The following GLRA3 variants were observed in gnomAD, a reference collection of about 807,000 sequenced individuals.
The protein encoded by GLRA3 is glycine receptor subunit alpha-3.
GLRA3 carries 44 observed loss-of-function variants against 60.4 expected under a neutral mutation model. The observed-to-expected ratio is 0.73, with a 90% confidence interval of 0.57 to 0.94. GLRA3 has a LOEUF of 0.94. GLRA3 is among the 40% of genes least tolerant of loss of function. The probability of loss-of-function intolerance (pLI) is 0.00; values close to 1 mark genes in which losing one functional copy is unlikely to be tolerated. For missense variants in GLRA3, 508 were observed against 564.6 expected, an observed-to-expected ratio of 0.90 and a Z score of 1.02; for synonymous variants, 223 against 192.9, an observed-to-expected ratio of 1.16 and a Z score of -1.29.
intron 2 of GLRA3, among the ~76,000 whole-genome samples, chr4:174,773,927 T>C (rs1738491379): frequency 6.6e-6 from 1 of 150,442 alleles, no homozygotes; most frequent in African/African-American, 2.5e-5. Context: ...AAGCTCCACA[T>C]GCAGGAAATG....
chr4:174,742,803 A>G (rs1737077755), intron 3 of GLRA3, among the ~76,000 whole-genome samples: 1 of 152,164 alleles, frequency 6.6e-6, no homozygotes, highest in Non-Finnish European at 1.5e-5. Flanking sequence ...CTTTTTCTTG[A>G]GATTCCCTGG....
intron 3 of GLRA3, among the ~76,000 whole-genome samples, chr4:174,732,360 T>TA (rs780031779): frequency 0.011 from 1,235 of 110,064 alleles, 12 homozygotes; most frequent in East Asian, 0.032. Context: ...ACTCAAAAAT[T>TA]AAAAAAAAAA....
At chr4:174,720,273 A>G (rs1736082877) in intron 4 of GLRA3, among the ~76,000 whole-genome samples, 1 of 152,204 alleles carries the variant, frequency 6.6e-6, no homozygotes, top group Non-Finnish European at 1.5e-5. Context: ...AGGCTGAGAC[A>G]TCTTAATAAC....
chr4:174,766,381 A>G (rs1485930), intron 3 of GLRA3, among the ~76,000 whole-genome samples: 12,076 of 152,098 alleles, frequency 0.079, 837 homozygotes, highest in East Asian at 0.38. Context: ...TAAAGGGCAA[A>G]GCAGAGATAC....
chr4:174,698,608 G>A (rs531633227), intron 5 of GLRA3, among the ~76,000 whole-genome samples: 1 of 152,268 alleles, frequency 6.6e-6, no homozygotes, highest in Admixed American at 6.5e-5. Flanking sequence ...TTAGCAAGAT[G>A]ATCCACTTCA....
intron 9 of GLRA3, among the ~76,000 whole-genome samples, chr4:174,655,400 CTG>C (rs1385983392): frequency 6.6e-6 from 1 of 152,006 alleles, no homozygotes; most frequent in Non-Finnish European, 1.5e-5. Flanking sequence ...ATGAATATAT[CTG>C]TGTTATATTA....
At position 174,639,810 on chromosome 4, in the gene GLRA3, A is replaced by C. The variant is rs979257206; in HGVS notation, c.*3976T>G. ...GTGTACACTGCTTATTTATCCATGAAAGGTTTATATAACAATAAAAAAAAT... is the reference window on the plus strand; with the variant it reads ...GTGTACACTGCTTATTTATCCATGACAGGTTTATATAACAATAAAAAAAAT... On this transcript the variant is annotated 3_prime_UTR_variant, in exon 10 of 10. Transcript: ENST00000274093. 1 of 150,922 alleles carries C rather than the reference A, an allele frequency of 6.6e-6. No individual in the cohort carries two copies. Among genetic ancestry groups the C allele is most frequent in the Admixed American group, 6.6e-5 (1 of 15,240 alleles). The allele number at this position is 150,922 out of a possible 1,614,324, so 9.3% of individuals were successfully genotyped here.
intron 3 of GLRA3, among the ~76,000 whole-genome samples, chr4:174,744,038 T>G (rs1206906956): frequency 2.6e-5 from 4 of 152,322 alleles, no homozygotes; most frequent in East Asian, 1.9e-4. Context: ...GCATGGCCTT[T>G]GTGCTTGGGC....
At chr4:174,736,716 G>A (rs4695957) in intron 3 of GLRA3, among the ~76,000 whole-genome samples, 44,252 of 151,976 alleles carry the variant, frequency 0.29, 6,685 homozygotes, top group African/African-American at 0.35. Flanking sequence ...TATGTAATAT[G>A]TAATAGTTTC....
chr4:174,789,681 T>C (rs949212914), intron 1 of GLRA3, among the ~76,000 whole-genome samples: 3 of 152,200 alleles, frequency 2.0e-5, no homozygotes, highest in African/African-American at 7.2e-5. Flanking sequence ...AAACCCATAG[T>C]GTAGGCTGCT....
In GLRA3 at chr4:174,706,193, G is replaced by A. The variant is rs530296891; in HGVS notation, c.574+9295C>T. ...TGCAGTGAGCCGAGTTCACGCCACT[G>A]CACTCCAGCCTGGGCGAAAGGGCGA... On this transcript the variant is annotated intron_variant, in intron 5 of 9. Coordinates refer to ENST00000274093, the MANE Select transcript of GLRA3 (RefSeq NM_006529.4). Among the ~76,000 whole-genome samples the A allele has an allele frequency of 5.3e-5, 8 of 151,794 alleles. No individual in the cohort carries two copies. In the East Asian group the frequency reaches 9.8e-4, roughly 19 times the overall value.
chr4:174,712,885 G>GTA (rs201545268), intron 5 of GLRA3: 1 of 150,962 alleles, frequency 6.6e-6, no homozygotes, highest in Non-Finnish European at 1.5e-5. Flanking sequence ...GTATGTATGA[G>GTA]TATATATATA....
At chr4:174,813,921 G>A (rs1157735324) in intron 1 of GLRA3, among the ~76,000 whole-genome samples, 3 of 152,116 alleles carry the variant, frequency 2.0e-5, no homozygotes, top group Non-Finnish European at 4.4e-5. Context: ...CTCACAAAGG[G>A]GTTAGCTCGT....
chr4:174,758,531 G>C (rs1159514610), intron 3 of GLRA3, among the ~76,000 whole-genome samples: 1 of 152,094 alleles, frequency 6.6e-6, no homozygotes, highest in African/African-American at 2.4e-5. Flanking sequence ...GGATCCTGTG[G>C]AAACATGGCA....
chr4:174,758,850 A>T (rs943169232), intron 3 of GLRA3, among the ~76,000 whole-genome samples: 2 of 152,170 alleles, frequency 1.3e-5, no homozygotes, highest in Non-Finnish European at 2.9e-5. Context: ...GGAATAAACT[A>T]AGAGATATGA....
intron 4 of GLRA3, among the ~76,000 whole-genome samples, chr4:174,727,549 A>C (rs1450252141): frequency 6.6e-6 from 1 of 152,206 alleles, no homozygotes. Flanking sequence ...TTCTGTTCTT[A>C]CGTCCTGTTC....
At chr4:174,766,817 C>T in intron 3 of GLRA3, 146 bp downstream of exon 3, 1 of 511,642 alleles carries the variant, frequency 2.0e-6, no homozygotes, top group Non-Finnish European at 3.5e-6. Flanking sequence ...TTATTACCTG[C>T]AGGTGACTGT....
chr4:174,694,187 A>G (rs1176865246), intron 5 of GLRA3, among the ~76,000 whole-genome samples: 1 of 152,208 alleles, frequency 6.6e-6, no homozygotes, highest in African/African-American at 2.4e-5. Flanking sequence ...ATCAAGTCAG[A>G]AAAGTAAAAA....
intron 5 of GLRA3, among the ~76,000 whole-genome samples, chr4:174,689,756 T>TAAAAAAAAAAAAAAAAAAAA (rs553306775): frequency 1.3e-4 from 5 of 39,540 alleles, no homozygotes; most frequent in African/African-American, 2.1e-4. Flanking sequence ...TAAGTCGCAT[T>TAAAAAAAAAAAAAAAAAAAA]AAAAAAAAAA....
Sources: gnomAD v4.1 joint callset for allele counts (sites outside exome capture counted in the v4.1 genomes callset) on GRCh38, gnomAD v4.1.1 for gene constraint, MANE v1.5 for transcripts, NCBI Gene and HGNC (gene_info 2026-07-23, HGNC 2026-07-21) for gene names.